CLSTN2: variants seen among roughly 807,000 people sequenced by gnomAD.
The protein encoded by CLSTN2 is calsyntenin 2.
In CLSTN2, 48 loss-of-function variants were observed where a neutral mutation model predicts 101.2. That is an observed-to-expected ratio of 0.47 (90% CI 0.38 to 0.60). The LOEUF (loss-of-function observed/expected upper bound fraction) is 0.60. Ranked by LOEUF, CLSTN2 falls within the 20% of genes least tolerant of loss-of-function variation. The probability of loss-of-function intolerance (pLI) is 0.00; values close to 1 mark genes in which losing one functional copy is unlikely to be tolerated. For synonymous variants in CLSTN2, 481 were observed against 463.6 expected (o/e 1.04, Z -0.48); for missense variants, 1,160 against 1,238.2 (o/e 0.94, Z 0.95).
At chr3:140,023,868 T>G (rs2007367508) in intron 1 of CLSTN2, among the ~76,000 whole-genome samples, 1 of 152,222 alleles carries the variant, frequency 6.6e-6, no homozygotes, top group South Asian at 2.1e-4. Context: ...GCACTGAGCC[T>G]GGGTGTGTCC....
chr3:140,347,550 C>T (rs1251687799), intron 2 of CLSTN2, among the ~76,000 whole-genome samples: 4 of 152,232 alleles, frequency 2.6e-5, no homozygotes, highest in African/African-American at 9.6e-5. Context: ...ATGGCAGGAG[C>T]TCTGCATAGA....
chr3:139,954,274 C>A (rs1935348527), intron 1 of CLSTN2, among the ~76,000 whole-genome samples: 1 of 152,200 alleles, frequency 6.6e-6, no homozygotes, highest in African/African-American at 2.4e-5. Flanking sequence ...GTCAGACTTG[C>A]TGGCCAGCTG....
intron 1 of CLSTN2, among the ~76,000 whole-genome samples, chr3:140,028,618 A>G (rs989702566): frequency 1.3e-5 from 2 of 152,196 alleles, no homozygotes; most frequent in Non-Finnish European, 2.9e-5. Flanking sequence ...AAGAATTGCA[A>G]GAATGGGCTG....
At chr3:140,455,125 T>C in intron 6 of CLSTN2, among the ~76,000 whole-genome samples, 1 of 152,238 alleles carries the variant, frequency 6.6e-6, no homozygotes, top group East Asian at 1.9e-4. Flanking sequence ...AACTTAGATA[T>C]TACATAAATG....
chr3:140,037,772 C>G (rs1236773846), intron 1 of CLSTN2, among the ~76,000 whole-genome samples: 1 of 152,102 alleles, frequency 6.6e-6, no homozygotes, highest in African/African-American at 2.4e-5. Context: ...ATTCAGCTCC[C>G]ACTTGTAATT....
At chr3:139,976,380 C>T (rs1279882735) in intron 1 of CLSTN2, among the ~76,000 whole-genome samples, 1 of 152,256 alleles carries the variant, frequency 6.6e-6, no homozygotes, top group African/African-American at 2.4e-5. Flanking sequence ...AAGGAAGCAG[C>T]ATCTGTGTGC....
intron 7 of CLSTN2, among the ~76,000 whole-genome samples, chr3:140,462,053 A>G (rs927725587): frequency 2.8e-5 from 4 of 145,162 alleles, no homozygotes; most frequent in African/African-American, 1.0e-4. Context: ...AACACAGAAA[A>G]GCATAAAAGA....
intron 1 of CLSTN2, among the ~76,000 whole-genome samples, chr3:140,073,326 C>T (rs2008429090): frequency 6.6e-6 from 1 of 152,200 alleles, no homozygotes; most frequent in Non-Finnish European, 1.5e-5. Flanking sequence ...TCCCACCCCC[C>T]AGGATGTATT....
intron 1 of CLSTN2, among the ~76,000 whole-genome samples, chr3:140,128,627 C>T (rs1435109709): frequency 1.3e-5 from 2 of 152,114 alleles, no homozygotes; most frequent in Non-Finnish European, 2.9e-5. Context: ...GAAGTGTGAC[C>T]TTCCTTTTGA....
At chr3:140,319,378 C>T (rs112481883) in intron 2 of CLSTN2, among the ~76,000 whole-genome samples, 2,753 of 152,212 alleles carry the variant, frequency 0.018, 78 homozygotes, top group African/African-American at 0.062. Context: ...CTTGGGTCTG[C>T]GTGCCTCTTT....
At chr3:140,373,487 G>C (rs755858918) in intron 2 of CLSTN2, among the ~76,000 whole-genome samples, 4 of 152,218 alleles carry the variant, frequency 2.6e-5, no homozygotes, top group Non-Finnish European at 5.9e-5. Flanking sequence ...GCTCTGTGAT[G>C]TGCTGTCTAT....
chr3:140,021,686 A>G (rs946074526), intron 1 of CLSTN2, among the ~76,000 whole-genome samples: 4 of 152,156 alleles, frequency 2.6e-5, no homozygotes, highest in African/African-American at 9.7e-5. Context: ...CTCTCTTCTC[A>G]GGTCCAGAAC....
At position 140,209,636 on chromosome 3, in the gene CLSTN2, G is replaced by A. The variant is rs566101579; in HGVS notation, c.232+33563G>A. Among the ~76,000 whole-genome samples, 26 of 152,168 alleles carry A rather than the reference G, an allele frequency of 1.7e-4. No individual in the cohort carries two copies. In the South Asian group the frequency reaches 3.5e-3, roughly 21 times the overall value. On this transcript the variant is annotated intron_variant, in intron 2 of 16. Coordinates refer to ENST00000458420, the MANE Select transcript of CLSTN2 (RefSeq NM_022131.3). Reference sequence around the variant, plus strand: ...GCTCTGTTGAAGCCCAGCACTGTCCGTACTGCTGCCTGAACCTACAGTTCC... The same window carrying A: ...GCTCTGTTGAAGCCCAGCACTGTCCATACTGCTGCCTGAACCTACAGTTCC...
chr3:140,549,448 C>T (rs534315027), intron 10 of CLSTN2, among the ~76,000 whole-genome samples: 1 of 151,396 alleles, frequency 6.6e-6, no homozygotes, highest in South Asian at 2.1e-4. Context: ...TGATCCTCTT[C>T]CATTCCTAGG....
chr3:140,479,711 C>T (rs886665807), intron 8 of CLSTN2, among the ~76,000 whole-genome samples: 8 of 151,948 alleles, frequency 5.3e-5, no homozygotes, highest in African/African-American at 7.3e-5. Flanking sequence ...ATATGGATTT[C>T]GCACATAAGA....
chr3:140,378,017 T>C (rs954013554), intron 2 of CLSTN2, among the ~76,000 whole-genome samples: 2 of 152,202 alleles, frequency 1.3e-5, no homozygotes, highest in East Asian at 3.8e-4. Context: ...GATACACACG[T>C]AGTTACTATT....
chr3:140,400,350 T>G (rs534064079), intron 2 of CLSTN2, among the ~76,000 whole-genome samples: 11 of 152,194 alleles, frequency 7.2e-5, no homozygotes, highest in Non-Finnish European at 5.9e-5. Flanking sequence ...GCTCATAACA[T>G]GCTCCATTGT....
At chr3:139,977,598 C>A (rs562473746) in intron 1 of CLSTN2, among the ~76,000 whole-genome samples, 17 of 152,114 alleles carry the variant, frequency 1.1e-4, no homozygotes. Context: ...TCTGTGCCAG[C>A]ACCATTCCAA....
At chr3:139,967,531 G>T (rs1296348778) in intron 1 of CLSTN2, among the ~76,000 whole-genome samples, 1 of 152,190 alleles carries the variant, frequency 6.6e-6, no homozygotes, top group Non-Finnish European at 1.5e-5. Context: ...AGCCAAGGGA[G>T]TTTGGCATGT....
Sources: gnomAD v4.1 joint callset for allele counts (sites outside exome capture counted in the v4.1 genomes callset) on GRCh38, gnomAD v4.1.1 for gene constraint, MANE v1.5 for transcripts, NCBI Gene and HGNC (gene_info 2026-07-23, HGNC 2026-07-21) for gene names.